Variants in C3 observed in about 807,000 individuals in gnomAD.
C3 encodes the protein complement C3.
Under a neutral mutation model 207.9 loss-of-function variants are expected in C3, and 97 were observed. The observed-to-expected ratio is 0.47, with a 90% CI of 0.40 to 0.55. C3 has a LOEUF of 0.55. C3 is among the 20% of genes least tolerant of loss of function. The pLI is 0.00. For synonymous variants in C3, 848 were observed against 857.6 expected (o/e 0.99, Z 0.20); for missense variants, 1,684 against 2,171.7 (o/e 0.78, Z 4.46).
rs1425494213 is a variant in C3 at position 6,694,765 on chromosome 19, G to A, written c.2951-131C>T. ...GGGACAGGCGAGGACTGGGGAGGAT[G>A]TGACTGCGGGGAGGGGAGGCTGCAT... On this transcript the variant is annotated intron_variant, in intron 23 of 40. Coordinates refer to ENST00000245907, the MANE Select transcript of C3 (RefSeq NM_000064.4). 13 of 763,202 alleles carry A rather than the reference G, an allele frequency of 1.7e-5. No homozygotes were observed. The East Asian group carries it at 2.9e-4, about 17-fold the overall frequency. The allele number at this position is 763,202 out of a possible 1,614,324, so 47.3% of individuals were successfully genotyped here. A position where few individuals can be genotyped will look rare whatever the true frequency, so the allele number is the denominator to read the frequency against.
intron 6 of C3, 32 bp from the exon 7 acceptor site, chr19:6,714,114 G>A (rs771338033): frequency 9.9e-6 from 16 of 1,609,214 alleles, no homozygotes; most frequent in Admixed American, 8.3e-5. Context: ...TGGGGCCGGC[G>A]CTGGGCCAGG....
rs373573544 is a variant in C3 at position 6,710,612 on chromosome 19, G to A, written c.1686+27C>T. The stretch of plus-strand genomic sequence containing the variant: ...AGAGAGGAGTAGGGAGAGGGAGAGG[G>A]GGCGAGCGAGCCCAGGGCACACTTA... On this transcript the variant is annotated intron_variant, in intron 13 of 40. Transcript: ENST00000245907. The A allele has an allele frequency of 2.5e-5, 39 of 1,587,794 alleles. No individual in the cohort carries two copies. In the African/African-American group the frequency reaches 4.4e-4, roughly 18 times the overall value.
intron 27 of C3, 81 bp from the exon 28 acceptor site, chr19:6,686,983 G>A (rs770375126): frequency 5.0e-6 from 7 of 1,399,044 alleles, no homozygotes; most frequent in Non-Finnish European, 7.1e-6. Context: ...AGCACTTCCT[G>A]AGCATCAGGG....
rs148820222 is a variant in C3 at position 6,711,064 on chromosome 19, C to G, written c.1402G>C (p.Gly468Arg). Residue 468 changes from glycine (G) to arginine (R), a missense_variant, in exon 12 of 41, where the codon GGG (glycine) becomes CGG (arginine). Around this residue, in one of 3 missense-constraint regions of C3, gnomAD observed 1,280 missense variants for 1,739.1 expected, o/e 0.74. Transcript: ENST00000245907. ...AGGAAGTTGACGTTGAGGGTCTCCC[C>G]GGGTCTGAGCTCTGTACGTAGCACT... ...LSVLRTELRP[G>R]ETLNVNFLLR... 1 of 1,613,998 alleles carries G rather than the reference C, an allele frequency of 6.2e-7. No homozygotes were observed. The highest frequency in any genetic ancestry group is 8.5e-7 in the Non-Finnish European group (1 of 1,180,018).
At chr19:6,693,543 G>A (rs879024015) in intron 24 of C3, 56 bp from the exon 25 acceptor site, 6 of 1,509,420 alleles carry the variant, frequency 4.0e-6, no homozygotes, top group African/African-American at 1.4e-5. Context: ...GAGGGGGCAC[G>A]CCAGAAAGGG....
At chr19:6,684,109 A>G in intron 33 of C3, 1 of 470,586 alleles carries the variant, frequency 2.1e-6, no homozygotes, top group East Asian at 4.3e-5. Context: ...TCTAAAAAGA[A>G]AAAAAGAAAA....
At chr19:6,710,030 A>AGAGAGAGGGAGAGAGGGCGG in intron 13 of C3, among the ~76,000 whole-genome samples, 188 bp from the exon 14 acceptor site, 2 of 142,186 alleles carry the variant, frequency 1.4e-5, no homozygotes, top group Admixed American at 1.4e-4. Context: ...AGAGGGCGGG[A>AGAGAGAGGGAGAGAGGGCGG]GAGAGAGAGA....
intron 29 of C3, among the ~76,000 whole-genome samples, chr19:6,685,535 G>C (rs775631956): frequency 6.6e-6 from 1 of 152,144 alleles, no homozygotes; most frequent in African/African-American, 2.4e-5. Context: ...CGTAGCCAGA[G>C]GATACTGAGC....
rs1328545254 is a variant in C3 at position 6,686,116 on chromosome 19, C to G, written c.3810+8G>C. 1 of 1,613,880 alleles carries G rather than the reference C, an allele frequency of 6.2e-7. No individual in the cohort carries two copies. The highest frequency in any genetic ancestry group is 8.5e-7 in the Non-Finnish European group (1 of 1,179,990). On this transcript the variant is annotated splice_region_variant and intron_variant, in intron 29 of 40. Transcript: ENST00000245907. ...ATGCATGTGCCTAGGGGCTGTGGGC[C>G]CACTTGCCTGGGTAGAGCCATAGCC... is the stretch of plus-strand genomic sequence containing the variant.
chr19:6,687,864 T>C (rs181292199), intron 27 of C3, among the ~76,000 whole-genome samples: 3 of 150,836 alleles, frequency 2.0e-5, no homozygotes, highest in Non-Finnish European at 4.4e-5. Context: ...TTGTTGCTTT[T>C]TTTTTTTTTT....
In C3 at chr19:6,693,672, A is replaced by G. The variant is rs432001; in HGVS notation, c.3155-185T>C. ...GGGGGATCAGAACGAGGAGGTGGAA[A>G]AGTTCTCAAGAGGACAAGGGATTCA... On this transcript the variant is annotated intron_variant, in intron 24 of 40. Coordinates refer to ENST00000245907, the MANE Select transcript of C3 (RefSeq NM_000064.4). 0.18 allele frequency among the ~76,000 whole-genome samples: 26,333 copies of G among 149,686 alleles called. 2,770 individuals are homozygous for G. The highest frequency in any genetic ancestry group is 0.29 in the African/African-American group (11,917 of 40,534).
chr19:6,684,251 C>G, intron 33 of C3, 137 bp downstream of exon 33: 1 of 805,550 alleles, frequency 1.2e-6, no homozygotes, highest in African/African-American at 1.7e-5. Flanking sequence ...TGTTGTCTAC[C>G]TCATGGTGGA....
Position 6,696,469 on chromosome 19 carries a change from C to T in C3, c.2864-4G>A. 3 of 1,612,274 alleles carry T rather than the reference C, an allele frequency of 1.9e-6. No homozygotes were observed. The highest frequency in any genetic ancestry group is 2.5e-6 in the Non-Finnish European group (3 of 1,178,486). On this transcript the variant is annotated splice_region_variant and splice_polypyrimidine_tract_variant and intron_variant, in intron 22 of 40. Transcript: ENST00000245907. Reference sequence around the variant, plus strand: ...ATGTCCTCTTTCTGCACTCCTTCTGCAGGGTGAGTGAGAGATACCGATGGC... The same window carrying T: ...ATGTCCTCTTTCTGCACTCCTTCTGTAGGGTGAGTGAGAGATACCGATGGC...
In C3 at chr19:6,718,420, T is replaced by C. The variant is rs1968090016; in HGVS notation, c.268-8A>G. On this transcript the variant is annotated splice_polypyrimidine_tract_variant and splice_region_variant and intron_variant, in intron 2 of 40. Transcript: ENST00000245907. Reference sequence around the variant, plus strand: ...CTCCCTGTTGGCTGGGATCTAGGCGTGGGCAGGGCATTGTCAGGGGTCTGT... The same window carrying C: ...CTCCCTGTTGGCTGGGATCTAGGCGCGGGCAGGGCATTGTCAGGGGTCTGT... The C allele has an allele frequency of 6.2e-7, 1 of 1,614,172 alleles. No individual in the cohort carries two copies. Among genetic ancestry groups the C allele is most frequent in the Non-Finnish European group, 8.5e-7 (1 of 1,180,024 alleles).
At chr19:6,693,522 G>T in intron 24 of C3, 35 bp from the exon 25 acceptor site, 1 of 1,590,386 alleles carries the variant, frequency 6.3e-7, no homozygotes. Context: ...CAAAAGAGCC[G>T]GGGCTGAGCA....
intron 4 of C3, 87 bp downstream of exon 4, chr19:6,718,007 C>A: frequency 7.6e-7 from 1 of 1,309,170 alleles, no homozygotes; most frequent in South Asian, 1.2e-5. Context: ...GCACCCCTTC[C>A]GGTGTGTCTT....
At position 6,707,802 on chromosome 19, in the gene C3, G is replaced by A. The variant is rs757596596; in HGVS notation, c.1973C>T (p.Ala658Val). The A allele has an allele frequency of 8.7e-6, 14 of 1,613,274 alleles. No individual in the cohort carries two copies. Among genetic ancestry groups the A allele is most frequent in the Non-Finnish European group, 1.1e-5 (13 of 1,179,964 alleles). The change falls in exon 15 of 41, where the codon GCA (alanine) becomes GTA (valine). Residue 658 changes from alanine to valine, a missense_variant and splice_region_variant. Ala to Val is a moderately conservative substitution (Grantham distance 64). Coordinates refer to ENST00000245907, the MANE Select transcript of C3 (RefSeq NM_000064.4). The stretch of plus-strand genomic sequence containing the variant: ...CCGGCCCCTGGTGGCGACCTCACCT[G>A]CCCTCTGGGCGGTCTGCTGGCCACT... Reference protein sequence around the residue: ...SSSGQQTAQRAELQCPQPAAR... With the variant: ...SSSGQQTAQRVELQCPQPAAR...
rs765023130 is a variant in C3, at chr19:6,697,668, T to C, written c.2567A>G (p.Gln856Arg). Residue 856 changes from glutamine (Q) to arginine (R), a missense_variant, in exon 20 of 41, where the codon CAG (glutamine) becomes CGG (arginine). By Grantham distance (43) the Gln-to-Arg change is conservative. Transcript: ENST00000245907. ...EIRAVLYNYRQNQELKVRVEL... is the reference protein window; with the variant it reads ...EIRAVLYNYRRNQELKVRVEL... ...GGGACCCACCTTGAGCTCTTGGTTC[T>C]GCCGGTAATTGTAGAGAACGGCTCG... is the stretch of plus-strand genomic sequence containing the variant. 4.3e-6 allele frequency: 7 copies of C among 1,614,030 alleles called. No individual in the cohort carries two copies. The Admixed American group carries it at 6.7e-5, about 15-fold the overall frequency.
At chr19:6,700,965 T>C (rs1244938930) in intron 19 of C3, among the ~76,000 whole-genome samples, 1 of 151,800 alleles carries the variant, frequency 6.6e-6, no homozygotes, top group Non-Finnish European at 1.5e-5. Flanking sequence ...TTTTAGAGAC[T>C]GTACCCCCAC....
Sources: gnomAD v4.1 joint callset for allele counts (sites outside exome capture counted in the v4.1 genomes callset) on GRCh38, gnomAD v4.1.1 for gene constraint, gnomAD v4.1.1 regional missense constraint, MANE v1.5 for transcripts, NCBI Gene and HGNC (gene_info 2026-07-23, HGNC 2026-07-21) for gene names.